PARVB: variants seen among roughly 807,000 people sequenced by gnomAD.
PARVB encodes parvin beta.
In PARVB, 46 loss-of-function variants were observed where a neutral mutation model predicts 47.0. The ratio of observed to expected loss-of-function variants is 0.98; its 90% CI spans 0.77 to 1.25. The LOEUF (loss-of-function observed/expected upper bound fraction) is 1.25, where lower values mean the gene tolerates loss of function less well. PARVB is among the 50% of genes most tolerant of loss of function. The pLI, the probability that PARVB is intolerant of heterozygous loss-of-function variation, is 0.00. For synonymous variants in PARVB, 196 were observed against 196.3 expected, an observed-to-expected ratio of 1.00 and a Z score of 0.01; for missense variants, 473 against 471.6, an observed-to-expected ratio of 1.00 and a Z score of -0.03.
At chr22:44,118,892 A>T (rs2052975513) in intron 3 of PARVB, 146 bp from the exon 4 acceptor site, 2 of 652,906 alleles carry the variant, frequency 3.1e-6, no homozygotes. Flanking sequence ...CTGGCCCCAG[A>T]GCTGTGCAGC....
rs2147207358 is a variant in PARVB at position 44,172,817 on chromosome 22, A to G, written c.*4139A>G. Reference sequence around the variant, plus strand: ...CCCACCTGGCTGAGTGCAGGAAGCAAGCGCTTTTCAGGAGCTCACTGCAAC... The same window carrying G: ...CCCACCTGGCTGAGTGCAGGAAGCAGGCGCTTTTCAGGAGCTCACTGCAAC... On this transcript the variant is annotated 3_prime_UTR_variant, in exon 13 of 13. Transcript: ENST00000338758. The G allele has an allele frequency of 2.2e-6, 1 of 451,764 alleles. No homozygotes were observed. The highest frequency in any genetic ancestry group is 8.5e-5 in the East Asian group (1 of 11,726). The allele number at this position is 451,764 out of a possible 1,614,324, so 28.0% of individuals were successfully genotyped here. A position where few individuals can be genotyped will look rare whatever the true frequency, so the allele number is the denominator to read the frequency against.
intron 1 of PARVB, among the ~76,000 whole-genome samples, chr22:44,034,190 A>C (rs899224569): frequency 6.7e-6 from 1 of 148,856 alleles, no homozygotes; most frequent in East Asian, 1.9e-4. Context: ...CTGCAACAGC[A>C]ATTATAATTA....
At chr22:44,015,949 G>A (rs1001404788) in intron 2 of PARVB, among the ~76,000 whole-genome samples, 1 of 152,068 alleles carries the variant, frequency 6.6e-6, no homozygotes, top group Non-Finnish European at 1.5e-5. Flanking sequence ...CCAACCAATC[G>A]TTTGTGCCCT....
rs770266019 is a variant in PARVB at position 44,169,808 on chromosome 22, C to T, written c.*1130C>T. The stretch of plus-strand genomic sequence containing the variant: ...GCAACCTCTGCCTCCCAGGTTCAAG[C>T]GATTCTCCTGCCTCAGCCTCCCAAG... On this transcript the variant is annotated 3_prime_UTR_variant, in exon 13 of 13. Coordinates refer to ENST00000338758, the MANE Select transcript of PARVB (RefSeq NM_013327.5). The T allele has an allele frequency of 1.3e-5, 2 of 150,000 alleles. No homozygotes were observed. The highest frequency in any genetic ancestry group is 1.5e-5 in the Non-Finnish European group (1 of 68,112). 9.3% of individuals were successfully genotyped at this position (150,000 alleles called of 1,614,324 possible). A position where few individuals can be genotyped will look rare whatever the true frequency, so the allele number is the denominator to read the frequency against.
chr22:44,136,560 C>G lies in PARVB; in HGVS notation c.692+42C>G, dbSNP rs779254813. The G allele has an allele frequency of 5.8e-6, 9 of 1,556,794 alleles. No individual in the cohort carries two copies. The Admixed American group carries it at 1.2e-4, about 20-fold the overall frequency. On this transcript the variant is annotated intron_variant, in intron 7 of 12. Transcript: ENST00000338758. The stretch of plus-strand genomic sequence containing the variant: ...CTTGCCCTTCCAGGCCCTGCTGCCC[C>G]GAGTGAGTGGGACCCCAGGCTGCCA...
chr22:44,036,684 T>C (rs776429819), intron 1 of PARVB, among the ~76,000 whole-genome samples: 15 of 152,142 alleles, frequency 9.9e-5, no homozygotes, highest in Non-Finnish European at 1.8e-4. Flanking sequence ...ATAAGTTTAA[T>C]AGAAGGAGTG....
chr22:44,122,570 G>GACAC (rs2053089432), intron 4 of PARVB, among the ~76,000 whole-genome samples: 3 of 82,700 alleles, frequency 3.6e-5, no homozygotes, highest in Admixed American at 1.0e-4. Flanking sequence ...GACAGAGAGA[G>GACAC]AGAGAGAGAG....
chr22:44,019,197 G>T (rs1054604252), intron 2 of PARVB, among the ~76,000 whole-genome samples: 1 of 147,544 alleles, frequency 6.8e-6, no homozygotes, highest in East Asian at 2.0e-4. Flanking sequence ...GATTACAGGC[G>T]TGAGCCACCA....
At chr22:44,001,023 C>T (rs566413280) in intron 2 of PARVB, among the ~76,000 whole-genome samples, 26 of 152,300 alleles carry the variant, frequency 1.7e-4, no homozygotes, top group African/African-American at 3.6e-4. Context: ...CCCAGGTGGG[C>T]GGATCACCTG....
intron 1 of PARVB, among the ~76,000 whole-genome samples, chr22:44,059,234 C>T (rs1023259150): frequency 5.3e-5 from 8 of 151,866 alleles, no homozygotes; most frequent in East Asian, 3.9e-4. Context: ...TTAGTAGAGA[C>T]GGGGTTTCAC....
At chr22:44,147,976 A>G in intron 9 of PARVB, 54 bp downstream of exon 9, 1 of 1,355,124 alleles carries the variant, frequency 7.4e-7, no homozygotes, top group Non-Finnish European at 1.1e-6. Flanking sequence ...CGGCTTTTTG[A>G]CAGCACAAAC....
At chr22:44,086,711 C>T (rs755901325) in intron 1 of PARVB, 126 of 979,432 alleles carry the variant, frequency 1.3e-4, no homozygotes, top group Middle Eastern at 1.1e-3. Context: ...CACTGAAGTA[C>T]AACTGGACTT....
chr22:44,154,153 T>G (rs892629437), intron 10 of PARVB, among the ~76,000 whole-genome samples: 1 of 152,198 alleles, frequency 6.6e-6, no homozygotes, highest in Non-Finnish European at 1.5e-5. Flanking sequence ...GCCTCTTACA[T>G]TGAGACTCTA....
intron 3 of PARVB, among the ~76,000 whole-genome samples, chr22:44,101,907 G>A (rs2052456570): frequency 6.6e-6 from 1 of 152,134 alleles, no homozygotes; most frequent in African/African-American, 2.4e-5. Flanking sequence ...GAAAGTCACT[G>A]TCTTTTAGCC....
intron 1 of PARVB, among the ~76,000 whole-genome samples, chr22:44,047,498 T>C (rs2051134721): frequency 6.6e-6 from 1 of 151,912 alleles, no homozygotes; most frequent in Non-Finnish European, 1.5e-5. Flanking sequence ...CCATCTCTAC[T>C]GAAAATACCA....
At chr22:44,126,729 A>G (rs552896611) in intron 4 of PARVB, among the ~76,000 whole-genome samples, 47 of 152,332 alleles carry the variant, frequency 3.1e-4, no homozygotes, top group South Asian at 2.7e-3. Context: ...TAATATTTTC[A>G]GAAGCAAACT....
intron 4 of PARVB, among the ~76,000 whole-genome samples, chr22:44,124,254 G>T (rs1174976059): frequency 6.6e-6 from 1 of 152,164 alleles, no homozygotes; most frequent in Non-Finnish European, 1.5e-5. Flanking sequence ...AGTTCTCATA[G>T]AGCCCTGATA....
chr22:44,101,475 C>T (rs758262119), intron 3 of PARVB, among the ~76,000 whole-genome samples: 5 of 151,660 alleles, frequency 3.3e-5, no homozygotes, highest in South Asian at 2.1e-4. Context: ...TGAGACCGGG[C>T]GCAGTGGCTC....
intron 5 of PARVB, 91 bp downstream of exon 5, chr22:44,131,718 C>G: frequency 7.2e-7 from 1 of 1,384,640 alleles, no homozygotes; most frequent in East Asian, 2.4e-5. Flanking sequence ...CATTCATCAT[C>G]ATCCCATCTG....
Sources: gnomAD v4.1 joint callset for allele counts (sites outside exome capture counted in the v4.1 genomes callset) on GRCh38, gnomAD v4.1.1 for gene constraint, MANE v1.5 for transcripts, NCBI Gene and HGNC (gene_info 2026-07-23, HGNC 2026-07-21) for gene names.